Variants in GFPT2 observed in about 807,000 individuals in gnomAD.
GFPT2 encodes glutamine--fructose-6-phosphate aminotransferase [isomerizing] 2.
A neutral mutation model predicts 85.6 loss-of-function variants in GFPT2; 62 were observed. The observed-to-expected ratio is 0.72, with a 90% confidence interval of 0.59 to 0.90. The LOEUF is 0.90. Among genes scored for constraint, GFPT2 ranks in the 40% least tolerant of loss-of-function variants. The pLI is 0.00. For missense variants in GFPT2, 788 were observed against 893.4 expected (o/e 0.88, Z 1.50); for synonymous variants, 368 against 344.5 (o/e 1.07, Z -0.75).
chr5:180,343,931 TG>T (rs1182161231), intron 1 of GFPT2, among the ~76,000 whole-genome samples: 1 of 152,242 alleles, frequency 6.6e-6, no homozygotes, highest in Non-Finnish European at 1.5e-5. Context: ...CCAGAGCTGT[TG>T]GGCTTCTAAG....
intron 2 of GFPT2, 43 bp downstream of exon 2, chr5:180,338,450 G>A (rs765061249): frequency 3.4e-5 from 38 of 1,104,364 alleles, no homozygotes; most frequent in Middle Eastern, 5.4e-4. Context: ...CCACAGCAGC[G>A]GAGCCCGGTC....
chr5:180,302,617 C>A, intron 17 of GFPT2, 33 bp from the exon 18 acceptor site: 1 of 1,573,718 alleles, frequency 6.4e-7, no homozygotes, highest in Non-Finnish European at 8.7e-7. Flanking sequence ...TAAAATAGAC[C>A]CTCTCTGAAA....
chr5:180,328,198 T>C lies in GFPT2; in HGVS notation c.596+79A>G. The C allele has an allele frequency of 9.1e-7, 1 of 1,100,248 alleles. No homozygotes were observed. The highest frequency in any genetic ancestry group is 1.5e-5 in the African/African-American group (1 of 65,452). 68.2% of individuals were successfully genotyped at this position (1,100,248 alleles called of 1,614,324 possible). A position where few individuals can be genotyped will look rare whatever the true frequency, so the allele number is the denominator to read the frequency against. On this transcript the variant is annotated intron_variant, in intron 7 of 18. Transcript: ENST00000253778. This position sits in a 1 kb window ranked among gnomAD's most constrained non-coding sequence, Gnocchi z 5.4. Reference sequence around the variant, plus strand: ...GCACCTTTCAGCGTGCCACAGGCCCTACCTCTCCCGTCTCCCTCCAGCTAA... The same window carrying C: ...GCACCTTTCAGCGTGCCACAGGCCCCACCTCTCCCGTCTCCCTCCAGCTAA...
chr5:180,302,398 T>C (rs1311421883), intron 18 of GFPT2, 25 bp downstream of exon 18: 1 of 1,596,260 alleles, frequency 6.3e-7, no homozygotes, highest in Admixed American at 1.7e-5. Flanking sequence ...TCCTCTCTGC[T>C]GTTAGGTGCA....
Position 180,324,309 on chromosome 5 carries a change from G to C in GFPT2, c.677-4C>G. 2 of 1,485,770 alleles carry C rather than the reference G, an allele frequency of 1.3e-6. No homozygotes were observed. Among genetic ancestry groups the C allele is most frequent in the South Asian group, 1.2e-5 (1 of 85,940 alleles). 92.0% of individuals were successfully genotyped at this position (1,485,770 alleles called of 1,614,324 possible). A position where few individuals can be genotyped will look rare whatever the true frequency, so the allele number is the denominator to read the frequency against. On this transcript the variant is annotated splice_region_variant and splice_polypyrimidine_tract_variant and intron_variant, in intron 8 of 18. Transcript: ENST00000253778. Reference sequence around the variant, plus strand: ...TTCTTCACATTCTCCAGAGTGCCTAGCAAATGGAGGAATGGGTTGCAAATC... The same window carrying C: ...TTCTTCACATTCTCCAGAGTGCCTACCAAATGGAGGAATGGGTTGCAAATC...
intron 2 of GFPT2, 56 bp from the exon 3 acceptor site, chr5:180,336,633 G>T: frequency 8.7e-7 from 1 of 1,152,724 alleles, no homozygotes; most frequent in Non-Finnish European, 1.3e-6. Flanking sequence ...TCACACACTT[G>T]GCACAGGTGC....
At chr5:180,311,236 C>T (rs1370632989) in intron 15 of GFPT2, among the ~76,000 whole-genome samples, 1 of 152,222 alleles carries the variant, frequency 6.6e-6, no homozygotes, top group African/African-American at 2.4e-5. Context: ...CCATGCCAGC[C>T]TGGGGCGAGG....
intron 1 of GFPT2, among the ~76,000 whole-genome samples, chr5:180,347,332 G>A (rs1351728085): frequency 2.6e-5 from 4 of 152,222 alleles, no homozygotes; most frequent in Non-Finnish European, 1.5e-5. Context: ...AGAAAGGCCC[G>A]GCCTGGGGGC....
intron 1 of GFPT2, among the ~76,000 whole-genome samples, chr5:180,344,852 G>A (rs968585408): frequency 6.6e-6 from 1 of 152,192 alleles, no homozygotes; most frequent in African/African-American, 2.4e-5. Flanking sequence ...GAAGAGCAAC[G>A]GCCATAAGAG....
chr5:180,333,991 C>T (rs969245388), intron 4 of GFPT2, among the ~76,000 whole-genome samples: 3 of 152,206 alleles, frequency 2.0e-5, no homozygotes, highest in African/African-American at 7.2e-5. Context: ...AGTGTTTTCT[C>T]GGCCAGCACG....
intron 1 of GFPT2, among the ~76,000 whole-genome samples, chr5:180,339,329 G>A (rs113252160): frequency 0.02 from 2,932 of 144,000 alleles, 40 homozygotes; most frequent in South Asian, 0.031. Flanking sequence ...GCAGTGAGCC[G>A]AGATCGTGCC....
At chr5:180,313,386 T>G (rs1387546038) in intron 14 of GFPT2, among the ~76,000 whole-genome samples, 2 of 149,808 alleles carry the variant, frequency 1.3e-5, no homozygotes, top group Non-Finnish European at 3.0e-5. Context: ...GGTCAGGAGA[T>G]CGAGACCATC....
chr5:180,328,090 T>G lies in GFPT2; in HGVS notation c.596+187A>C, dbSNP rs1288120002. Among the ~76,000 whole-genome samples the G allele has an allele frequency of 6.6e-6, 1 of 151,240 alleles. No homozygotes were observed. The highest frequency in any genetic ancestry group is 1.5e-5 in the Non-Finnish European group (1 of 67,776). On this transcript the variant is annotated intron_variant, in intron 7 of 18. Coordinates refer to ENST00000253778, the MANE Select transcript of GFPT2 (RefSeq NM_005110.4). This position sits in a 1 kb window ranked among gnomAD's most constrained non-coding sequence, Gnocchi z 5.4. ...TGGTTTCTTTTTTTTTTTTTTTAAT[T>G]CAGAAGTGTAGCACCACCAGCCATG...
intron 15 of GFPT2, among the ~76,000 whole-genome samples, chr5:180,309,175 G>A (rs1325551745): frequency 1.3e-5 from 2 of 151,972 alleles, no homozygotes; most frequent in African/African-American, 4.8e-5. Context: ...CCCGGCCCTA[G>A]AGAAGTCTTT....
At chr5:180,314,357 A>G (rs1763961128) in intron 13 of GFPT2, among the ~76,000 whole-genome samples, 1 of 152,148 alleles carries the variant, frequency 6.6e-6, no homozygotes, top group Non-Finnish European at 1.5e-5. Flanking sequence ...CTGAGATGGA[A>G]CAGATTTAAC....
intron 1 of GFPT2, among the ~76,000 whole-genome samples, chr5:180,342,062 G>A (rs981911738): frequency 1.3e-5 from 2 of 151,958 alleles, no homozygotes; most frequent in African/African-American, 2.4e-5. Flanking sequence ...TCATGAGATC[G>A]GATGGTTTTA....
Position 180,318,603 on chromosome 5 carries a change from T to A in GFPT2, c.958+190A>T. The A allele has an allele frequency of 1.7e-6, 1 of 579,960 alleles. No homozygotes were observed. Among genetic ancestry groups the A allele is most frequent in the South Asian group, 2.1e-5 (1 of 47,180 alleles). The allele number at this position is 579,960 out of a possible 1,614,324, so 35.9% of individuals were successfully genotyped here. The stretch of plus-strand genomic sequence containing the variant: ...GCTGGCTGCACACAGGAGCCCCCGC[T>A]TGGAGGTGCCAGGCCAGCCTCCCCA... On this transcript the variant is annotated intron_variant, in intron 10 of 18. Coordinates refer to ENST00000253778, the MANE Select transcript of GFPT2 (RefSeq NM_005110.4). The surrounding 1 kb of genome is among the most constrained non-coding windows in gnomAD (Gnocchi z 4.2).
intron 15 of GFPT2, among the ~76,000 whole-genome samples, chr5:180,310,583 G>A (rs1763859284): frequency 6.6e-6 from 1 of 151,646 alleles, no homozygotes. Flanking sequence ...GCTGCTTTTT[G>A]TGTTTTTAGT....
At chr5:180,348,889 G>A (rs1002850437) in intron 1 of GFPT2, among the ~76,000 whole-genome samples, 34 of 151,558 alleles carry the variant, frequency 2.2e-4, no homozygotes, top group African/African-American at 7.8e-4. Context: ...CTACAGGTGC[G>A]TGCCACCACA....
Sources: allele counts gnomAD v4.1 joint callset (sites outside exome capture counted in the v4.1 genomes callset), GRCh38; gene constraint gnomAD v4.1.1; non-coding constraint Gnocchi (gnomAD v3.1); transcripts MANE v1.5; gene names NCBI Gene and HGNC (gene_info 2026-07-23, HGNC 2026-07-21).